The following KRT9 variants were observed in gnomAD, a reference collection of about 807,000 sequenced individuals.
The protein encoded by KRT9 is keratin 9.
A neutral mutation model predicts 51.4 loss-of-function variants in KRT9; 34 were observed. The ratio of observed to expected loss-of-function variants is 0.66; its 90% CI spans 0.50 to 0.88. KRT9 has a LOEUF of 0.88. Among genes scored for constraint, KRT9 ranks in the 40% least tolerant of loss-of-function variants. The pLI is 0.00. For synonymous variants in KRT9, 292 were observed against 289.7 expected (o/e 1.01, Z -0.08); for missense variants, 753 against 790.3 (o/e 0.95, Z 0.57).
chr17:41,568,438 T>C (rs1906954246), intron 5 of KRT9, 53 bp from the exon 6 acceptor site: 26 of 1,613,770 alleles, frequency 1.6e-5, no homozygotes, highest in Non-Finnish European at 2.2e-5. Context: ...ACTCCTCTTC[T>C]TCCCACTCCT....
Position 41,569,510 on chromosome 17 carries a change from G to A in KRT9, c.960C>T (p.Thr320=), listed in dbSNP as rs1907000153. The change falls in exon 4 of 8, where the codon ACC becomes ACT. Residue 320 remains threonine, a synonymous_variant. Coordinates refer to ENST00000246662, the MANE Select transcript of KRT9 (RefSeq NM_000226.4). ...EINVAPGKDL[T]KTLNDMRQEY... ...CCTGACGCATGTCATTGAGGGTCTT[G>A]GTGAGATCTTTGCCAGGAGCAACGT... 1.2e-6 allele frequency: 2 copies of A among 1,614,016 alleles called. No homozygotes were observed. The highest frequency in any genetic ancestry group is 1.3e-5 in the African/African-American group (1 of 74,918).
In KRT9 at chr17:41,567,311, C is replaced by A. The variant is rs558331928; in HGVS notation, c.1834G>T (p.Gly612Cys). The A allele has an allele frequency of 3.1e-6, 5 of 1,614,138 alleles. No homozygotes were observed. The highest frequency in any genetic ancestry group is 4.2e-6 in the Non-Finnish European group (5 of 1,180,020). The stretch of plus-strand genomic sequence containing the variant: ...GATTTTCCGCTTCCTCCTCCGTAGC[C>A]GCCACCACTTCCACTCGCTTCTTCA... Reference protein sequence around the residue: ...GGEEASGSGGGYGGGSGKSSH... With the variant: ...GGEEASGSGGCYGGGSGKSSH... Residue 612 changes from glycine (G) to cysteine (C), a missense_variant, in exon 7 of 8, where the codon GGC (glycine) becomes TGC (cysteine). Transcript: ENST00000246662.
At position 41,569,653 on chromosome 17, in the gene KRT9, C is replaced by A. The variant is rs1567732264; in HGVS notation, c.883-66G>T. ...CTCTGCACCACCTTTCAGAATTCTC[C>A]CTCTGGTCCCCCCAGGGTACAAAAA... On this transcript the variant is annotated intron_variant, in intron 3 of 7. Transcript: ENST00000246662. 9 of 1,590,750 alleles carry A rather than the reference C, an allele frequency of 5.7e-6. 1 individual carries two copies. The highest frequency in any genetic ancestry group is 2.2e-5 in the East Asian group (1 of 44,740).
Position 41,567,277 on chromosome 17 carries a change from G to A in KRT9, c.1868C>T (p.Ser623Phe), listed in dbSNP as rs2144566997. 1.2e-6 allele frequency: 2 copies of A among 1,614,002 alleles called. No individual in the cohort carries two copies. The highest frequency in any genetic ancestry group is 1.7e-6 in the Non-Finnish European group (2 of 1,180,018). Residue 623 changes from serine to phenylalanine, a missense_variant, in exon 7 of 8, where the codon TCC becomes TTC. Around this residue, in one of 3 missense-constraint regions of KRT9, gnomAD observed 507 missense variants for 563.7 expected, o/e 0.90. Coordinates refer to ENST00000246662, the MANE Select transcript of KRT9 (RefSeq NM_000226.4). Reference sequence around the variant, plus strand: ...ACCAGATTTTGAGGAAGAAGACTAGGAATGGGATGATTTTCCGCTTCCTCC... The same window carrying A: ...ACCAGATTTTGAGGAAGAAGACTAGAAATGGGATGATTTTCCGCTTCCTCC... The part of the protein sequence containing the change: ...YGGGSGKSSH[S>F]
chr17:41,566,742 T>C (rs148672779), intron 7 of KRT9, among the ~76,000 whole-genome samples: 1 of 152,380 alleles, frequency 6.6e-6, no homozygotes, highest in African/African-American at 2.4e-5. Context: ...AGTTGCATCA[T>C]GTAATACTTG....
chr17:41,571,857 GGCCCCCTCCTCCACC>G lies in KRT9; in HGVS notation c.121_135del (p.Gly41_Gly45del). On this transcript the variant is annotated inframe_deletion, in exon 1 of 8. Coordinates refer to ENST00000246662, the MANE Select transcript of KRT9 (RefSeq NM_000226.4). ...CCATAGCCACTAGAAGAGCTGAATC[GGCCCCCTCCTCCACC>G]GCCCCCTGAGGAGCTGAAGCGGCTG... 1 of 1,611,472 alleles carries G rather than the reference GGCCCCCTCCTCCACC, an allele frequency of 6.2e-7. No individual in the cohort carries two copies. The highest frequency in any genetic ancestry group is 1.3e-5 in the African/African-American group (1 of 74,498).
intron 4 of KRT9, among the ~76,000 whole-genome samples, chr17:41,569,079 CTTACA>C (rs1906982298): frequency 6.6e-6 from 1 of 152,170 alleles, no homozygotes; most frequent in Non-Finnish European, 1.5e-5. Context: ...CTGCTATAGT[CTTACA>C]TTACATAGCA....
intron 4 of KRT9, 77 bp downstream of exon 4, chr17:41,569,349 A>G: frequency 1.4e-6 from 2 of 1,393,734 alleles, no homozygotes; most frequent in Non-Finnish European, 2.0e-6. Context: ...AGGAGGATGA[A>G]GGAATGGGAG....
In KRT9 at chr17:41,568,623, A is replaced by G; in HGVS notation, c.1055T>C (p.Ile352Thr). The change falls in exon 5 of 8, where the codon ATC (isoleucine) becomes ACC (threonine). Residue 352 changes from isoleucine (I) to threonine (T), a missense_variant. Around this residue, in one of 3 missense-constraint regions of KRT9, gnomAD observed 507 missense variants for 563.7 expected, o/e 0.90. Coordinates refer to ENST00000246662, the MANE Select transcript of KRT9 (RefSeq NM_000226.4). Reference protein sequence around the residue: ...ENQYETQITQIEHEVSSSGQE... With the variant: ...ENQYETQITQTEHEVSSSGQE... Reference sequence around the variant, plus strand: ...ACCACTACTGGATACCTCATGCTCGATCTGGGTTATCTGCAAAACCAAAGG... The same window carrying G: ...ACCACTACTGGATACCTCATGCTCGGTCTGGGTTATCTGCAAAACCAAAGG... The G allele has an allele frequency of 1.2e-6, 2 of 1,614,112 alleles. No homozygotes were observed. The highest frequency in any genetic ancestry group is 1.7e-6 in the Non-Finnish European group (2 of 1,180,006).
intron 7 of KRT9, 42 bp downstream of exon 7, chr17:41,567,191 A>C (rs965895942): frequency 1.3e-6 from 2 of 1,592,074 alleles, no homozygotes; most frequent in African/African-American, 2.7e-5. Context: ...AAAAAAGGTG[A>C]GACCTTGACT....
At chr17:41,567,059 G>A (rs1185996780) in intron 7 of KRT9, among the ~76,000 whole-genome samples, 174 bp downstream of exon 7, 2 of 150,506 alleles carry the variant, frequency 1.3e-5, no homozygotes, top group Non-Finnish European at 3.0e-5. Context: ...CCTAGGCTCT[G>A]TCAAAAATAA....
chr17:41,566,763 C>T (rs1906887357), intron 7 of KRT9, among the ~76,000 whole-genome samples: 2 of 152,206 alleles, frequency 1.3e-5, no homozygotes, highest in African/African-American at 2.4e-5. Context: ...TGCAAGCCAA[C>T]CACTGACTAA....
Position 41,570,165 on chromosome 17 carries a change from C to G in KRT9, c.698G>C (p.Arg233Pro). 2 of 1,613,986 alleles carry G rather than the reference C, an allele frequency of 1.2e-6. No homozygotes were observed. The highest frequency in any genetic ancestry group is 8.5e-7 in the Non-Finnish European group (1 of 1,179,966). ...TATCCTGAAGTCATCCAGTGTCATG[C>G]GAGTGTTGTCAATGTCCAGGAGAGT... ...NKTLLDIDNT[R>P]MTLDDFRIKF... The change falls in exon 2 of 8, where the codon CGC becomes CCC. Residue 233 changes from arginine (R) to proline (P), a missense_variant. Arg to Pro is a moderately radical substitution (Grantham distance 103, BLOSUM62 -2). Around this residue, in one of 3 missense-constraint regions of KRT9, gnomAD observed 507 missense variants for 563.7 expected, o/e 0.90. Transcript: ENST00000246662.
At chr17:41,569,682 G>A (rs1339045907) in intron 3 of KRT9, 95 bp from the exon 4 acceptor site, 5 of 1,550,476 alleles carry the variant, frequency 3.2e-6, no homozygotes, top group African/African-American at 2.7e-5. Context: ...ACAAAAAGGG[G>A]ACACAGTTGT....
chr17:41,569,382 T>A (rs772030283), intron 4 of KRT9, 44 bp downstream of exon 4: 7 of 1,589,426 alleles, frequency 4.4e-6, no homozygotes, highest in Admixed American at 3.4e-5. Flanking sequence ...GAGATAGGAA[T>A]AGATGGAGGG....
rs1907085414 is a variant in KRT9 at position 41,571,615 on chromosome 17, GCCACCACCAAAGCCACCTCCAGAA to G, written c.354_377del (p.Ser119_Gly126del). On this transcript the variant is annotated inframe_deletion, in exon 1 of 8. Transcript: ENST00000246662. ...CAAACCCCCCAAACCCACTCCCATA[GCCACCACCAAAGCCACCTCCAGAA>G]CCACCACCAAAGCCACCTCCAAAAC... The G allele has an allele frequency of 2.5e-6, 4 of 1,604,712 alleles. No homozygotes were observed. Among genetic ancestry groups the G allele is most frequent in the African/African-American group, 1.4e-5 (1 of 73,846 alleles).
intron 4 of KRT9, among the ~76,000 whole-genome samples, chr17:41,568,965 C>A (rs1015920788): frequency 6.7e-6 from 1 of 148,640 alleles, no homozygotes. Flanking sequence ...CAGCACAGAC[C>A]ATGCCTTCAT....
rs1942036879 is a variant in KRT9 at position 41,565,920 on chromosome 17, T to G, written c.*273A>C. 4 of 152,406 alleles carry G rather than the reference T, an allele frequency of 2.6e-5. No homozygotes were observed. The highest frequency in any genetic ancestry group is 2.0e-4 in the Admixed American group (3 of 15,300). The allele number at this position is 152,406 out of a possible 1,614,324, so 9.4% of individuals were successfully genotyped here. A position where few individuals can be genotyped will look rare whatever the true frequency, so the allele number is the denominator to read the frequency against. ...CCAGGCCAGAGAGAGGAAAGAGGTC[T>G]GTCTCCCCAACCCTGAAGGCATCAA... On this transcript the variant is annotated 3_prime_UTR_variant, in exon 8 of 8. Transcript: ENST00000246662.
At chr17:41,570,596 G>A (rs1907049529) in intron 1 of KRT9, among the ~76,000 whole-genome samples, 1 of 152,202 alleles carries the variant, frequency 6.6e-6, no homozygotes, top group South Asian at 2.1e-4. Context: ...CAGGAAGGAG[G>A]TGGCTGGCAA....
Sources: allele counts gnomAD v4.1 joint callset (sites outside exome capture counted in the v4.1 genomes callset), GRCh38; gene constraint gnomAD v4.1.1; regional missense constraint gnomAD v4.1.1; transcripts MANE v1.5; gene names NCBI Gene and HGNC (gene_info 2026-07-23, HGNC 2026-07-21).